The following FGF14 variants were observed in gnomAD, a reference collection of about 807,000 sequenced individuals.
The protein encoded by FGF14 is fibroblast growth factor homologous factor 4.
A neutral mutation model predicts 25.5 loss-of-function variants in FGF14; 5 were observed. That is an observed-to-expected ratio of 0.20 (90% CI 0.10 to 0.41). The LOEUF is 0.41. Among genes scored for constraint, FGF14 ranks in the 10% least tolerant of loss-of-function variants. The pLI, the probability that FGF14 is intolerant of heterozygous loss-of-function variation, is 1.00. For synonymous variants in FGF14, 138 were observed against 118.3 expected (o/e 1.17, Z -1.08); for missense variants, 222 against 320.1 (o/e 0.69, Z 2.34).
rs900101124 is a variant in FGF14 at position 101,889,686 on chromosome 13, A to T, written c.194-14390T>A. ...AACTTCACGATGTACTTTTTAACCC[A>T]GAAACTTCTAACATACATTATTTCC... On this transcript the variant is annotated intron_variant, in intron 1 of 4. Coordinates refer to ENST00000376143, the MANE Select transcript of FGF14 (RefSeq NM_004115.4). Among the ~76,000 whole-genome samples the T allele has an allele frequency of 5.9e-5, 9 of 152,326 alleles. No individual in the cohort carries two copies. In the South Asian group the frequency reaches 1.2e-3, roughly 21 times the overall value.
rs574166922 is a variant in FGF14 at position 102,105,399 on chromosome 13, T to A, written c.209-230103A>T. Among the ~76,000 whole-genome samples the A allele has an allele frequency of 1.1e-4, 16 of 152,346 alleles. No homozygotes were observed. The East Asian group carries it at 3.1e-3, about 29-fold the overall frequency. Reference sequence around the variant, plus strand: ...CCTCTATCGGTGACAATTATATTTTTTTCATGAGGAAACACTGACCTATTT... The same window carrying A: ...CCTCTATCGGTGACAATTATATTTTATTCATGAGGAAACACTGACCTATTT... On this transcript the variant is annotated intron_variant, in intron 1 of 4. Transcript: ENST00000376131.
chr13:101,968,785 TAA>T (rs1376195037), intron 1 of FGF14, among the ~76,000 whole-genome samples: 5 of 151,016 alleles, frequency 3.3e-5, no homozygotes, highest in Middle Eastern at 3.6e-3. Context: ...GCTGCCAGAC[TAA>T]GTGTTCCCCC....
At chr13:102,369,424 A>T (rs2057811477) in intron 1 of FGF14, among the ~76,000 whole-genome samples, 1 of 152,220 alleles carries the variant, frequency 6.6e-6, no homozygotes, top group African/African-American at 2.4e-5. Flanking sequence ...GTGGTGTCTC[A>T]AACTAATTGC....
intron 1 of FGF14, among the ~76,000 whole-genome samples, chr13:102,210,510 A>G (rs1346428903): frequency 6.6e-6 from 1 of 152,198 alleles, no homozygotes; most frequent in African/African-American, 2.4e-5. Flanking sequence ...TCATTTAAAA[A>G]TGTGCAAGGG....
At chr13:102,087,407 C>CTTTTTTT (rs71125043) in intron 1 of FGF14, among the ~76,000 whole-genome samples, 1,306 of 84,420 alleles carry the variant, frequency 0.015, 164 homozygotes, top group Non-Finnish European at 0.021. Flanking sequence ...ACTGTAATTT[C>CTTTTTTT]TTTTTTTTTT....
chr13:101,787,314 A>G (rs1035523739), intron 3 of FGF14, among the ~76,000 whole-genome samples: 1 of 152,190 alleles, frequency 6.6e-6, no homozygotes, highest in African/African-American at 2.4e-5. Context: ...TAGCATATTG[A>G]ATAGCTGTCA....
chr13:101,998,677 A>G (rs2039317616), intron 1 of FGF14, among the ~76,000 whole-genome samples: 1 of 152,210 alleles, frequency 6.6e-6, no homozygotes, highest in South Asian at 2.1e-4. Flanking sequence ...GAAAATCTTC[A>G]CATCTGCACA....
At chr13:102,210,901 A>G (rs2050129581) in intron 1 of FGF14, among the ~76,000 whole-genome samples, 1 of 152,156 alleles carries the variant, frequency 6.6e-6, no homozygotes, top group Non-Finnish European at 1.5e-5. Context: ...TCTCAATTGT[A>G]GCGTAAGCCG....
chr13:101,939,004 G>T (rs2035277068), intron 1 of FGF14, among the ~76,000 whole-genome samples: 1 of 152,128 alleles, frequency 6.6e-6, no homozygotes, highest in Non-Finnish European at 1.5e-5. Flanking sequence ...GCTAAACATT[G>T]TACATCATGC....
intron 1 of FGF14, among the ~76,000 whole-genome samples, chr13:101,896,442 T>C (rs1004024061): frequency 2.0e-5 from 3 of 152,154 alleles, no homozygotes; most frequent in African/African-American, 7.2e-5. Context: ...TCAGCAAGCC[T>C]ATGGGTCATA....
At position 101,916,739 on chromosome 13, in the gene FGF14, G is replaced by T; in HGVS notation, c.-94C>A. On this transcript the variant is annotated 5_prime_UTR_variant, in exon 1 of 5. Transcript: ENST00000376143. ...AAGGCGGCGGCGCAGACCGTGGCTC[G>T]CCCTCGGGGCAGAGGAGGGGGTGCC... 1 of 1,144,686 alleles carries T rather than the reference G, an allele frequency of 8.7e-7. No homozygotes were observed. Among genetic ancestry groups the T allele is most frequent in the Non-Finnish European group, 1.2e-6 (1 of 835,284 alleles). 70.9% of individuals were successfully genotyped at this position (1,144,686 alleles called of 1,614,324 possible).
At chr13:102,359,863 A>C (rs2057517924) in intron 1 of FGF14, among the ~76,000 whole-genome samples, 2 of 152,020 alleles carry the variant, frequency 1.3e-5, no homozygotes, top group Admixed American at 1.3e-4. Context: ...TAAAAAAAAA[A>C]AAAACAGTCC....
intron 1 of FGF14, among the ~76,000 whole-genome samples, chr13:102,072,885 G>A (rs940314587): frequency 6.6e-6 from 1 of 152,208 alleles, no homozygotes; most frequent in Non-Finnish European, 1.5e-5. Context: ...GGCGAAGAAT[G>A]GCAATAGAAA....
intron 1 of FGF14, among the ~76,000 whole-genome samples, chr13:101,948,470 A>AAT (rs71125033): frequency 4.0e-4 from 59 of 146,064 alleles, no homozygotes; most frequent in African/African-American, 1.3e-3. Context: ...ATAATAAAAA[A>AAT]ATATATATAT....
At chr13:102,319,124 T>C (rs1221407831) in intron 1 of FGF14, among the ~76,000 whole-genome samples, 2 of 152,224 alleles carry the variant, frequency 1.3e-5, no homozygotes, top group African/African-American at 2.4e-5. Context: ...GTGCTATAAA[T>C]AGCAGTTAGT....
chr13:101,950,518 C>T (rs79631848), intron 1 of FGF14, among the ~76,000 whole-genome samples: 1,930 of 152,238 alleles, frequency 0.013, 46 homozygotes, highest in African/African-American at 0.043. Flanking sequence ...GAGTGAGATG[C>T]TTCAGAAATA....
At position 101,716,709 on chromosome 13, in the gene FGF14, T is replaced by A. The variant is rs959922949; in HGVS notation, c.*6122A>T. 6.6e-6 allele frequency: 1 copy of A among 150,606 alleles called. No homozygotes were observed. The highest frequency in any genetic ancestry group is 2.4e-5 in the African/African-American group (1 of 40,864). The allele number at this position is 150,606 out of a possible 1,614,324, so 9.3% of individuals were successfully genotyped here. A position where few individuals can be genotyped will look rare whatever the true frequency, so the allele number is the denominator to read the frequency against. ...TTTTTTCTAAGGATACCTTACTTAC[T>A]GGAAACCTGGGGTCATGCAAAGAAG... is the stretch of plus-strand genomic sequence containing the variant. On this transcript the variant is annotated 3_prime_UTR_variant, in exon 5 of 5. Coordinates refer to ENST00000376143, the MANE Select transcript of FGF14 (RefSeq NM_004115.4).
At chr13:102,062,637 T>C (rs1389066316) in intron 1 of FGF14, among the ~76,000 whole-genome samples, 1 of 152,192 alleles carries the variant, frequency 6.6e-6, no homozygotes, top group Non-Finnish European at 1.5e-5. Context: ...ATGAAATGAA[T>C]CATTTGAAAC....
chr13:101,907,353 G>A (rs1231193987), intron 1 of FGF14, among the ~76,000 whole-genome samples: 1 of 152,014 alleles, frequency 6.6e-6, no homozygotes, highest in Non-Finnish European at 1.5e-5. Flanking sequence ...CAAATATATC[G>A]TCACTATAAA....
Sources: allele counts gnomAD v4.1 joint callset (sites outside exome capture counted in the v4.1 genomes callset), GRCh38; gene constraint gnomAD v4.1.1; transcripts MANE v1.5; gene names NCBI Gene and HGNC (gene_info 2026-07-23, HGNC 2026-07-21).